ATP10B: variants seen among roughly 807,000 people sequenced by gnomAD.
ATP10B encodes ATPase phospholipid transporting 10B (putative).
A neutral mutation model predicts 141.2 loss-of-function variants in ATP10B; 122 were observed. The observed-to-expected ratio is 0.86, with a 90% confidence interval of 0.75 to 1.00. The LOEUF is 1.00. Among genes scored for constraint, ATP10B ranks in the 50% least tolerant of loss-of-function variants. ATP10B has a pLI of 0.00. For synonymous variants in ATP10B, 685 were observed against 692.0 expected (o/e 0.99, Z 0.16); for missense variants, 1,876 against 1,825.3 (o/e 1.03, Z -0.51).
chr5:160,731,218 C>T (rs17058174), intron 2 of ATP10B, among the ~76,000 whole-genome samples: 7 of 152,074 alleles, frequency 4.6e-5, no homozygotes, highest in East Asian at 3.9e-4. Flanking sequence ...CCTTGTTTGC[C>T]GTTTGTGAGT....
chr5:160,596,141 C>T (rs1231061858), intron 22 of ATP10B, among the ~76,000 whole-genome samples: 1 of 152,020 alleles, frequency 6.6e-6, no homozygotes, highest in African/African-American at 2.4e-5. Flanking sequence ...CAAAAATCCT[C>T]AATAAAATAC....
chr5:160,701,608 C>T (rs1324075483), intron 3 of ATP10B, among the ~76,000 whole-genome samples: 1 of 151,992 alleles, frequency 6.6e-6, no homozygotes, highest in African/African-American at 2.4e-5. Flanking sequence ...ACTCTACCCT[C>T]TACAGTGCCT....
the ATP10B span, among the ~76,000 whole-genome samples, chr5:160,875,118 T>G: frequency 1.6e-5 from 2 of 123,072 alleles, no homozygotes; most frequent in African/African-American, 5.7e-5. Flanking sequence ...GAAAAAATGT[T>G]AAGGGCAGCC....
chr5:160,742,601 T>C (rs1767554242), intron 2 of ATP10B, among the ~76,000 whole-genome samples: 2 of 152,208 alleles, frequency 1.3e-5, no homozygotes, highest in African/African-American at 4.8e-5. Flanking sequence ...AAGAAACACG[T>C]TCTTTTCTCC....
intron 21 of ATP10B, among the ~76,000 whole-genome samples, chr5:160,600,176 T>G (rs1757006420): frequency 6.6e-6 from 1 of 152,196 alleles, no homozygotes; most frequent in Non-Finnish European, 1.5e-5. Context: ...ACTACGTTAT[T>G]GTACTGATAT....
At chr5:160,769,087 C>T (rs764291549) in intron 2 of ATP10B, among the ~76,000 whole-genome samples, 1 of 152,166 alleles carries the variant, frequency 6.6e-6, no homozygotes, top group Non-Finnish European at 1.5e-5. Context: ...CCATTTGATG[C>T]ACACTGAAAG....
chr5:160,820,966 C>T (rs1197961047), intron 1 of ATP10B, among the ~76,000 whole-genome samples: 5 of 152,102 alleles, frequency 3.3e-5, no homozygotes, highest in Non-Finnish European at 7.4e-5. Context: ...AAAGTCTTCA[C>T]TCTAAGATCT....
chr5:160,642,839 A>G (rs1265185443), intron 9 of ATP10B, among the ~76,000 whole-genome samples: 1 of 152,206 alleles, frequency 6.6e-6, no homozygotes, highest in African/African-American at 2.4e-5. Flanking sequence ...AGGAACATGC[A>G]GAATATGAAT....
intron 25 of ATP10B, 40 bp downstream of exon 25, chr5:160,569,456 T>C: frequency 1.2e-6 from 2 of 1,605,420 alleles, no homozygotes; most frequent in Non-Finnish European, 1.7e-6. Context: ...AAAGGGAGAT[T>C]GGTAATTTTA....
At chr5:160,667,251 A>G (rs932697689) in intron 7 of ATP10B, among the ~76,000 whole-genome samples, 12 of 151,638 alleles carry the variant, frequency 7.9e-5, no homozygotes. Context: ...AAAACAAAAC[A>G]AAAAACTGAG....
chr5:160,808,182 A>C (rs1011622489), intron 1 of ATP10B, among the ~76,000 whole-genome samples: 2 of 152,214 alleles, frequency 1.3e-5, no homozygotes, highest in Non-Finnish European at 2.9e-5. Context: ...GAATATTAGA[A>C]TGCGTTGAAT....
At chr5:160,695,899 A>G (rs1764329504) in intron 3 of ATP10B, among the ~76,000 whole-genome samples, 1 of 152,170 alleles carries the variant, frequency 6.6e-6, no homozygotes, top group African/African-American at 2.4e-5. Context: ...AAAAAAAAAG[A>G]AAAGATTTCC....
intron 2 of ATP10B, among the ~76,000 whole-genome samples, chr5:160,759,240 A>G (rs947490190): frequency 1.3e-5 from 2 of 152,276 alleles, no homozygotes; most frequent in Admixed American, 6.5e-5. Flanking sequence ...AATATTTTGT[A>G]TGCTTCATAA....
At chr5:160,776,306 T>C (rs1053267336) in intron 2 of ATP10B, among the ~76,000 whole-genome samples, 1 of 152,226 alleles carries the variant, frequency 6.6e-6, no homozygotes, top group Non-Finnish European at 1.5e-5. Flanking sequence ...CTTTTGGTCT[T>C]GGGCAAGTTA....
intron 20 of ATP10B, 137 bp from the exon 21 acceptor site, chr5:160,602,839 G>A (rs993144191): frequency 8.4e-7 from 1 of 1,189,528 alleles, no homozygotes; most frequent in East Asian, 2.6e-5. Context: ...TCACTCTTGG[G>A]TAGCTTTTTG....
chr5:160,769,722 A>G (rs1561835621), intron 2 of ATP10B, among the ~76,000 whole-genome samples: 1 of 152,340 alleles, frequency 6.6e-6, no homozygotes, highest in South Asian at 2.1e-4. Flanking sequence ...AAAGGAAACC[A>G]TCTCATTCTC....
the ATP10B span, among the ~76,000 whole-genome samples, chr5:160,886,970 A>G: frequency 6.6e-6 from 1 of 152,220 alleles, no homozygotes; most frequent in Non-Finnish European, 1.5e-5. Context: ...TTCCTGGGTA[A>G]TCAAATACCC....
the ATP10B span, among the ~76,000 whole-genome samples, chr5:160,919,738 T>G: frequency 1.3e-5 from 2 of 152,158 alleles, no homozygotes; most frequent in Non-Finnish European, 2.9e-5. Context: ...CATCTACCCA[T>G]GCAGAAATCC....
At chr5:160,629,168 A>G (rs1466935972) in intron 13 of ATP10B, among the ~76,000 whole-genome samples, 1 of 151,808 alleles carries the variant, frequency 6.6e-6, no homozygotes, top group Non-Finnish European at 1.5e-5. Flanking sequence ...AGGTGCAGGA[A>G]GGCACAGAAG....
Sources: allele counts gnomAD v4.1 joint callset (sites outside exome capture counted in the v4.1 genomes callset), GRCh38; gene constraint gnomAD v4.1.1; transcripts MANE v1.5; gene names NCBI Gene and HGNC (gene_info 2026-07-23, HGNC 2026-07-21).